CFAP43: variants seen among roughly 807,000 people sequenced by gnomAD.
CFAP43 encodes the protein cilia and flagella associated protein 43, also known as cilia- and flagella-associated protein 43.
Under a neutral mutation model 218.9 loss-of-function variants are expected in CFAP43, and 155 were observed. The observed-to-expected ratio is 0.71, with a 90% CI of 0.62 to 0.81. CFAP43 has a LOEUF of 0.81. CFAP43 is among the 30% of genes least tolerant of loss of function. The probability of loss-of-function intolerance (pLI) is 0.00; values close to 1 mark genes in which losing one functional copy is unlikely to be tolerated. For synonymous variants in CFAP43, 645 were observed against 681.3 expected (o/e 0.95, Z 0.83); for missense variants, 1,778 against 1,954.3 (o/e 0.91, Z 1.70).
chr10:104,191,457 ACTC>A (rs1368872314), intron 12 of CFAP43, among the ~76,000 whole-genome samples: 2 of 151,774 alleles, frequency 1.3e-5, no homozygotes, highest in African/African-American at 4.8e-5. Flanking sequence ...CCCTTGGAAA[ACTC>A]CTCCAATCCT....
At chr10:104,133,897 T>TGA in intron 34 of CFAP43, 113 bp from the exon 35 acceptor site, 1 of 1,027,026 alleles carries the variant, frequency 9.7e-7, no homozygotes, top group Non-Finnish European at 1.4e-6. Flanking sequence ...GATAATTCTG[T>TGA]CTTCTTTTTA....
At chr10:104,132,943 GT>G (rs2134726280) in intron 35 of CFAP43, 1 of 302,158 alleles carries the variant, frequency 3.3e-6, no homozygotes, top group East Asian at 1.7e-4. Context: ...TTCAAAGGTG[GT>G]TTGTAATGAG....
At chr10:104,143,404 A>G in intron 32 of CFAP43, 22 bp downstream of exon 32, 2 of 1,589,932 alleles carry the variant, frequency 1.3e-6, no homozygotes, top group Non-Finnish European at 1.7e-6. Context: ...TAAAAATTAA[A>G]TTAAGTTAAA....
At chr10:104,188,444 T>C (rs767911511) in intron 12 of CFAP43, 34 bp from the exon 13 acceptor site, 1 of 1,602,892 alleles carries the variant, frequency 6.2e-7, no homozygotes, top group Non-Finnish European at 8.5e-7. Context: ...CCACAAGTGG[T>C]CATTGATAAG....
intron 36 of CFAP43, among the ~76,000 whole-genome samples, chr10:104,131,799 A>T (rs1431545791): frequency 6.6e-6 from 1 of 152,222 alleles, no homozygotes; most frequent in Admixed American, 6.5e-5. Context: ...TGATGATTAA[A>T]TAAAACCTTT....
chr10:104,182,112 G>T (rs1349411473), intron 17 of CFAP43, among the ~76,000 whole-genome samples: 1 of 152,224 alleles, frequency 6.6e-6, no homozygotes, highest in Admixed American at 6.5e-5. Flanking sequence ...GTGGGTAGAA[G>T]ATTTTTTTTT....
intron 34 of CFAP43, among the ~76,000 whole-genome samples, chr10:104,136,113 G>C (rs975248423): frequency 6.6e-6 from 1 of 151,604 alleles, no homozygotes; most frequent in African/African-American, 2.4e-5. Flanking sequence ...AGCTGGGCAT[G>C]GTGGTGGGCG....
intron 28 of CFAP43, 55 bp downstream of exon 28, chr10:104,152,552 C>T (rs1016802600): frequency 6.2e-7 from 1 of 1,602,210 alleles, no homozygotes; most frequent in Non-Finnish European, 8.5e-7. Flanking sequence ...TCCTAAGAAC[C>T]ATGGAAGGGC....
At chr10:104,155,937 G>C (rs1422132309) in intron 27 of CFAP43, among the ~76,000 whole-genome samples, 2 of 152,048 alleles carry the variant, frequency 1.3e-5, no homozygotes, top group Non-Finnish European at 2.9e-5. Context: ...AGGGGGCAGA[G>C]GAACTAAGGC....
At chr10:104,143,786 T>C in intron 31 of CFAP43, 147 bp from the exon 32 acceptor site, 1 of 767,544 alleles carries the variant, frequency 1.3e-6, no homozygotes, top group Non-Finnish European at 2.1e-6. Flanking sequence ...ATTCCACAGA[T>C]AAAGGGATCC....
intron 19 of CFAP43, among the ~76,000 whole-genome samples, chr10:104,177,539 C>T (rs1358476872): frequency 1.3e-5 from 2 of 152,132 alleles, no homozygotes; most frequent in Non-Finnish European, 2.9e-5. Flanking sequence ...GCTGATGCTA[C>T]TTATTGCCTA....
chr10:104,175,976 A>G (rs928781939), intron 19 of CFAP43, among the ~76,000 whole-genome samples: 3 of 152,262 alleles, frequency 2.0e-5, no homozygotes, highest in African/African-American at 7.2e-5. Context: ...TATATTCTCA[A>G]TCAAAATCAA....
chr10:104,205,030 C>T (rs542324862), intron 7 of CFAP43, among the ~76,000 whole-genome samples: 67 of 151,966 alleles, frequency 4.4e-4, no homozygotes, highest in African/African-American at 1.5e-3. Flanking sequence ...CTGCATAACA[C>T]GGTGAAACCC....
At chr10:104,194,352 C>T (rs1261989235) in intron 10 of CFAP43, among the ~76,000 whole-genome samples, 2 of 152,038 alleles carry the variant, frequency 1.3e-5, no homozygotes, top group Non-Finnish European at 2.9e-5. Flanking sequence ...AACAATTAGA[C>T]CAATAATAGT....
At chr10:104,186,161 T>C in intron 14 of CFAP43, 38 bp from the exon 15 acceptor site, 1 of 1,443,380 alleles carries the variant, frequency 6.9e-7, no homozygotes. Context: ...ATAGAAAAGA[T>C]CAGGTAAACA....
At chr10:104,186,212 G>A in intron 14 of CFAP43, 89 bp from the exon 15 acceptor site, 2 of 1,077,420 alleles carry the variant, frequency 1.9e-6, no homozygotes, top group Non-Finnish European at 2.5e-6. Context: ...GTTGTATATT[G>A]TCATTGTAAA....
In CFAP43 at chr10:104,153,629, A is replaced by T. The variant is rs190889813; in HGVS notation, c.3541-903T>A. On this transcript the variant is annotated intron_variant, in intron 27 of 37. Transcript: ENST00000357060. Reference sequence around the variant, plus strand: ...TGCTATAAATCATTTTTATCTTTAAATTTGTTTGCAACTGTTAATTTTGAT... The same window carrying T: ...TGCTATAAATCATTTTTATCTTTAATTTTGTTTGCAACTGTTAATTTTGAT... Among the ~76,000 whole-genome samples the T allele has an allele frequency of 1.4e-3, 212 of 152,328 alleles. 1 individual carries two copies. Among genetic ancestry groups the T allele is most frequent in the African/African-American group, 4.9e-3 (204 of 41,582 alleles).
intron 19 of CFAP43, among the ~76,000 whole-genome samples, chr10:104,175,707 T>C (rs1396246075): frequency 6.6e-6 from 1 of 152,176 alleles, no homozygotes; most frequent in Non-Finnish European, 1.5e-5. Flanking sequence ...GTACCGCATA[T>C]TGCTACTCTG....
intron 6 of CFAP43, among the ~76,000 whole-genome samples, chr10:104,206,543 C>A (rs934462781): frequency 6.6e-5 from 10 of 152,130 alleles, no homozygotes; most frequent in African/African-American, 2.4e-4. Context: ...CAGAGCAGTT[C>A]TTGAGCTGGG....
Sources: allele counts gnomAD v4.1 joint callset (sites outside exome capture counted in the v4.1 genomes callset), GRCh38; gene constraint gnomAD v4.1.1; transcripts MANE v1.5; gene names NCBI Gene and HGNC (gene_info 2026-07-23, HGNC 2026-07-21).